Variants in PAK5 observed in about 807,000 individuals in gnomAD.
PAK5 encodes the protein serine/threonine-protein kinase PAK 5.
A neutral mutation model predicts 65.9 loss-of-function variants in PAK5; 16 were observed. The observed-to-expected ratio is 0.24, with a 90% CI of 0.16 to 0.37. The LOEUF is 0.37. Among genes scored for constraint, PAK5 ranks in the 10% least tolerant of loss-of-function variants. PAK5 has a pLI of 1.00. For missense variants in PAK5, 785 were observed against 903.9 expected (o/e 0.87, Z 1.69); for synonymous variants, 371 against 354.9 (o/e 1.05, Z -0.51).
chr20:9,641,733 C>A (rs906926689), intron 3 of PAK5, among the ~76,000 whole-genome samples: 3 of 152,086 alleles, frequency 2.0e-5, no homozygotes, highest in Non-Finnish European at 4.4e-5. Context: ...AGCCCTGCCC[C>A]GTGGGAAGGC....
intron 2 of PAK5, among the ~76,000 whole-genome samples, chr20:9,673,567 G>A (rs2047529527): frequency 6.6e-6 from 1 of 152,112 alleles, no homozygotes; most frequent in Admixed American, 6.5e-5. Context: ...CTAAAGCCTT[G>A]GAGGTTATAT....
At chr20:9,776,444 T>A (rs2048887828) in intron 1 of PAK5, among the ~76,000 whole-genome samples, 1 of 152,184 alleles carries the variant, frequency 6.6e-6, no homozygotes. Flanking sequence ...GGCTTTAAGT[T>A]ATATCCACAA....
chr20:9,596,308 T>A (rs147586238), intron 3 of PAK5, among the ~76,000 whole-genome samples: 4 of 152,200 alleles, frequency 2.6e-5, no homozygotes, highest in African/African-American at 9.6e-5. Context: ...CAGAAAACTA[T>A]ATAAAAAGCT....
At chr20:9,673,039 C>T (rs937226803) in intron 2 of PAK5, among the ~76,000 whole-genome samples, 4 of 152,066 alleles carry the variant, frequency 2.6e-5, no homozygotes, top group Middle Eastern at 3.2e-3. Context: ...TTATGCAAAA[C>T]AATTGCCCAT....
At chr20:9,822,857 G>A (rs1192181718) in intron 1 of PAK5, among the ~76,000 whole-genome samples, 1 of 152,222 alleles carries the variant, frequency 6.6e-6, no homozygotes. Flanking sequence ...GGGAGTTGGT[G>A]TATAAATATC....
chr20:9,677,087 GTT>G (rs1453479809), intron 2 of PAK5, among the ~76,000 whole-genome samples: 5 of 78,168 alleles, frequency 6.4e-5, no homozygotes, highest in Non-Finnish European at 1.4e-4. Flanking sequence ...GTGTGTGTGT[GTT>G]TGTTGTTATA....
In PAK5 at chr20:9,610,516, AAT is replaced by A. The variant is rs1446849723; in HGVS notation, c.205-29588_205-29587del. Among the ~76,000 whole-genome samples the A allele has an allele frequency of 4.6e-5, 7 of 152,340 alleles. No homozygotes were observed. In the East Asian group the frequency reaches 1.4e-3, roughly 29 times the overall value. On this transcript the variant is annotated intron_variant, in intron 3 of 9. Transcript: ENST00000353224. ...ATTATTACTTAAGATCATATATATTAATATATTTAGCCAAATAGCAAACAAGG... is the reference window on the plus strand; with the variant it reads ...ATTATTACTTAAGATCATATATATTAATATTTAGCCAAATAGCAAACAAGG...
intron 1 of PAK5, among the ~76,000 whole-genome samples, chr20:9,781,363 G>A (rs2048938520): frequency 6.6e-6 from 1 of 152,152 alleles, no homozygotes; most frequent in South Asian, 2.1e-4. Flanking sequence ...ACCCATAGAA[G>A]GCCACTGTGA....
intron 1 of PAK5, among the ~76,000 whole-genome samples, chr20:9,807,938 G>C (rs2049253342): frequency 6.6e-6 from 1 of 152,016 alleles, no homozygotes; most frequent in Non-Finnish European, 1.5e-5. Context: ...CCAGCCAGAA[G>C]CATTAACTTT....
intron 2 of PAK5, among the ~76,000 whole-genome samples, chr20:9,664,649 C>T (rs550456856): frequency 3.9e-5 from 6 of 152,104 alleles, no homozygotes; most frequent in East Asian, 1.9e-4. Context: ...TTAATTATTT[C>T]GCCCACATTC....
At chr20:9,758,872 G>A (rs1156620751) in intron 1 of PAK5, among the ~76,000 whole-genome samples, 1 of 152,020 alleles carries the variant, frequency 6.6e-6, no homozygotes, top group Non-Finnish European at 1.5e-5. Context: ...TCTGCCTGGA[G>A]GCCATGTCTA....
intron 1 of PAK5, among the ~76,000 whole-genome samples, chr20:9,765,025 G>T (rs528605868): frequency 1.3e-5 from 2 of 152,214 alleles, no homozygotes; most frequent in Admixed American, 1.3e-4. Flanking sequence ...TGCACTGAAG[G>T]TATTACAAGC....
intron 6 of PAK5, among the ~76,000 whole-genome samples, chr20:9,560,085 G>C (rs1378013504): frequency 6.6e-6 from 1 of 152,170 alleles, no homozygotes; most frequent in Admixed American, 6.5e-5. Flanking sequence ...GAGGTATAAA[G>C]ATTCTTTACA....
At chr20:9,795,134 A>T (rs1241306651) in intron 1 of PAK5, among the ~76,000 whole-genome samples, 3 of 152,102 alleles carry the variant, frequency 2.0e-5, no homozygotes, top group African/African-American at 7.2e-5. Context: ...TTCCAAGAGG[A>T]ACACATTAGT....
intron 1 of PAK5, among the ~76,000 whole-genome samples, chr20:9,749,513 C>G (rs927665435): frequency 1.3e-5 from 2 of 152,130 alleles, no homozygotes; most frequent in African/African-American, 2.4e-5. Context: ...CCAGGGCTCA[C>G]TCATGGAAAG....
chr20:9,542,601 C>T lies in PAK5; in HGVS notation c.1989G>A (p.Val663=). ...RRIRDSLPPR[V]KDLHKVSSVL... is the part of the protein sequence containing the mutation. The stretch of plus-strand genomic sequence containing the variant: ...TGTTTCTCACCTTGTGTAGGTCCTT[C>T]ACTCTTGGAGGTAAACTGTCCCGGA... The change falls in exon 9 of 10, where the codon GTG becomes GTA. Residue 663 remains valine, a synonymous_variant. Coordinates refer to ENST00000353224, the MANE Select transcript of PAK5 (RefSeq NM_177990.4). The T allele has an allele frequency of 6.2e-7, 1 of 1,613,950 alleles. No homozygotes were observed. Among genetic ancestry groups the T allele is most frequent in the Non-Finnish European group, 8.5e-7 (1 of 1,179,960 alleles).
chr20:9,731,314 G>C (rs968595316), intron 1 of PAK5, among the ~76,000 whole-genome samples: 6 of 152,246 alleles, frequency 3.9e-5, no homozygotes, highest in African/African-American at 1.4e-4. Flanking sequence ...TTTTAATAAT[G>C]CATTTTATTT....
chr20:9,808,648 A>G (rs2049261072), intron 1 of PAK5, among the ~76,000 whole-genome samples: 1 of 152,222 alleles, frequency 6.6e-6, no homozygotes, highest in African/African-American at 2.4e-5. Context: ...GTATGATTCC[A>G]TTTATATGAA....
At chr20:9,616,559 C>T (rs544856662) in intron 3 of PAK5, among the ~76,000 whole-genome samples, 10 of 152,346 alleles carry the variant, frequency 6.6e-5, no homozygotes, top group African/African-American at 1.7e-4. Context: ...AAAATAGATT[C>T]TCATCCTTCA....
Sources: allele counts gnomAD v4.1 joint callset (sites outside exome capture counted in the v4.1 genomes callset), GRCh38; gene constraint gnomAD v4.1.1; transcripts MANE v1.5; gene names NCBI Gene and HGNC (gene_info 2026-07-23, HGNC 2026-07-21).